HRG: variants seen among roughly 807,000 people sequenced by gnomAD.
The protein encoded by HRG is histidine-rich glycoprotein.
HRG carries 26 observed loss-of-function variants against 29.5 expected under a neutral mutation model. That is an observed-to-expected ratio of 0.88 (90% confidence interval 0.65 to 1.22). The LOEUF is 1.22. Ranked by LOEUF, HRG falls within the 50% of genes most tolerant of loss-of-function variation. HRG has a pLI of 0.00. For missense variants in HRG, 671 were observed against 654.5 expected, an observed-to-expected ratio of 1.03 and a Z score of -0.28; for synonymous variants, 243 against 240.4, an observed-to-expected ratio of 1.01 and a Z score of -0.10.
chr3:186,671,538 A>G (rs1159920109), intron 3 of HRG, 85 bp from the exon 4 acceptor site: 1 of 1,413,860 alleles, frequency 7.1e-7, no homozygotes, highest in Admixed American at 1.7e-5. Flanking sequence ...CCATCCTTAA[A>G]ATGAAAGTTA....
chr3:186,674,964 C>A lies in HRG; in HGVS notation c.640-125C>A. 8 of 756,488 alleles carry A rather than the reference C, an allele frequency of 1.1e-5. No individual in the cohort carries two copies. The South Asian group carries it at 1.1e-4, about 10-fold the overall frequency. 46.9% of individuals were successfully genotyped at this position (756,488 alleles called of 1,614,324 possible). A position where few individuals can be genotyped will look rare whatever the true frequency, so the allele number is the denominator to read the frequency against. ...ATTGCTGAACGACTGGTGGGAATAT[C>A]TGATCATATTACCCTGATTTTTCTA... On this transcript the variant is annotated intron_variant, in intron 5 of 6. Transcript: ENST00000232003.
Position 186,675,182 on chromosome 3 carries a change from G to T in HRG, c.733G>T (p.Asp245Tyr), listed in dbSNP as rs201213205. The change falls in exon 6 of 7, where the codon GAC (aspartate) becomes TAC (tyrosine). Residue 245 changes from aspartate to tyrosine, a missense_variant. Transcript: ENST00000232003. ...KNLVINCEVF[D>Y]PQEHENINGV... ...CCTTGTCATAAACTGTGAAGTCTTC[G>T]ACCCTCAGGTGGGTTGTCTAAGCAG... is the stretch of plus-strand genomic sequence containing the variant. The T allele has an allele frequency of 1.2e-6, 2 of 1,611,080 alleles. No homozygotes were observed. The highest frequency in any genetic ancestry group is 1.1e-5 in the South Asian group (1 of 90,982).
At position 186,672,734 on chromosome 3, in the gene HRG, T is replaced by C. The variant is rs1420926627; in HGVS notation, c.559-53T>C. The C allele has an allele frequency of 4.1e-6, 5 of 1,212,648 alleles. No homozygotes were observed. In the East Asian group the frequency reaches 1.2e-4, roughly 28 times the overall value. The allele number at this position is 1,212,648 out of a possible 1,614,324, so 75.1% of individuals were successfully genotyped here. A position where few individuals can be genotyped will look rare whatever the true frequency, so the allele number is the denominator to read the frequency against. On this transcript the variant is annotated intron_variant, in intron 4 of 6. Coordinates refer to ENST00000232003, the MANE Select transcript of HRG (RefSeq NM_000412.5). ...TGAATGGTAGTTATCTACTGCTTTT[T>C]TTTCCTTTTTCTTTGTCTGTTCTTG...
chr3:186,675,818 A>AT (rs1718965870), intron 6 of HRG, among the ~76,000 whole-genome samples: 3 of 152,034 alleles, frequency 2.0e-5, no homozygotes. Context: ...GTTAAAAAAA[A>AT]GAAAAAGGAA....
At chr3:186,674,635 T>C (rs1718910180) in intron 5 of HRG, 1 of 249,410 alleles carries the variant, frequency 4.0e-6, no homozygotes. Flanking sequence ...CTTGACAATG[T>C]CCATGAAAAC....
intron 6 of HRG, 118 bp downstream of exon 6, chr3:186,675,308 T>TGTGTGA (rs1491475236): frequency 1.2e-4 from 54 of 451,962 alleles, no homozygotes; most frequent in African/African-American, 1.1e-3. Context: ...TGTGTGTGTG[T>TGTGTGA]GAGAGAGAGA....
chr3:186,678,200 C>A lies in HRG; in HGVS notation c.*317C>A, dbSNP rs1033390684. The stretch of plus-strand genomic sequence containing the variant: ...AGTCTCTGTTACTGCTTGGGCTATA[C>A]CTGGGCATACTAATAAAGTATGGTA... On this transcript the variant is annotated 3_prime_UTR_variant, in exon 7 of 7. Transcript: ENST00000232003. 59 of 351,330 alleles carry A rather than the reference C, an allele frequency of 1.7e-4. No homozygotes were observed. Among genetic ancestry groups the A allele is most frequent in the South Asian group, 1.3e-3 (45 of 34,988 alleles). 21.8% of individuals were successfully genotyped at this position (351,330 alleles called of 1,614,324 possible). A position where few individuals can be genotyped will look rare whatever the true frequency, so the allele number is the denominator to read the frequency against.
intron 6 of HRG, among the ~76,000 whole-genome samples, chr3:186,675,560 C>G (rs532557716): frequency 9.4e-4 from 143 of 152,230 alleles, no homozygotes; most frequent in South Asian, 9.3e-3. Flanking sequence ...TGAAAATGCT[C>G]TTTGTAGTCG....
At chr3:186,676,106 T>C (rs1438076006) in intron 6 of HRG, among the ~76,000 whole-genome samples, 2 of 151,980 alleles carry the variant, frequency 1.3e-5, no homozygotes. Flanking sequence ...TGACCTTAGG[T>C]GATCCACCTG....
chr3:186,670,298 G>A (rs1718746716), intron 3 of HRG, among the ~76,000 whole-genome samples: 1 of 152,112 alleles, frequency 6.6e-6, no homozygotes, highest in Non-Finnish European at 1.5e-5. Flanking sequence ...AGGTAGGTTA[G>A]CCTCATTATA....
Position 186,672,829 on chromosome 3 carries a change from C to A in HRG, c.601C>A (p.Arg201=). 6.2e-7 allele frequency: 1 copy of A among 1,612,140 alleles called. No individual in the cohort carries two copies. Among genetic ancestry groups the A allele is most frequent in the Non-Finnish European group, 8.5e-7 (1 of 1,178,330 alleles). ...GTGYFVDFSV[R]NCPRHHFPRH... is the part of the protein sequence containing the mutation. ...TGGTTACTTCGTGGACTTCTCTGTGCGGAACTGCCCCAGACACCATTTCCC... is the reference window on the plus strand; with the variant it reads ...TGGTTACTTCGTGGACTTCTCTGTGAGGAACTGCCCCAGACACCATTTCCC... Residue 201 remains arginine, a synonymous_variant, in exon 5 of 7, where the codon CGG becomes AGG. Coordinates refer to ENST00000232003, the MANE Select transcript of HRG (RefSeq NM_000412.5).
intron 2 of HRG, 163 bp from the exon 3 acceptor site, chr3:186,669,775 C>A: frequency 1.5e-6 from 1 of 672,354 alleles, no homozygotes; most frequent in Admixed American, 2.1e-5. Context: ...CACACAGAAA[C>A]TGACTAAGAA....
chr3:186,675,096 G>C lies in HRG; in HGVS notation c.647G>C (p.Gly216Ala). The change falls in exon 6 of 7, where the codon GGA becomes GCA. Residue 216 changes from glycine to alanine, a missense_variant. By Grantham distance (60) the Gly-to-Ala change is moderately conservative. Coordinates refer to ENST00000232003, the MANE Select transcript of HRG (RefSeq NM_000412.5). ...HHFPRHPNVF[G>A]FCRADLFYDV... ...CTCCTCATTCCTTTGTAGGTCTTTG[G>C]ATTCTGCAGAGCAGATTTGTTCTAT... 2 of 1,612,016 alleles carry C rather than the reference G, an allele frequency of 1.2e-6. No homozygotes were observed. Among genetic ancestry groups the C allele is most frequent in the Non-Finnish European group, 1.7e-6 (2 of 1,178,086 alleles).
intron 3 of HRG, 152 bp from the exon 4 acceptor site, chr3:186,671,471 G>A: frequency 6.2e-6 from 5 of 800,852 alleles, no homozygotes; most frequent in South Asian, 5.6e-5. Context: ...TAGTTCGGTT[G>A]CCAAATGGCT....
chr3:186,667,523 G>A (rs1352418505), intron 1 of HRG, among the ~76,000 whole-genome samples: 1 of 151,958 alleles, frequency 6.6e-6, no homozygotes, highest in Admixed American at 6.6e-5. Flanking sequence ...CATGTTCTGA[G>A]CCCCAACAAT....
In HRG at chr3:186,677,361, T is replaced by C. The variant is rs781083965; in HGVS notation, c.1056T>C (p.His352=). Residue 352 remains histidine (H), a synonymous_variant, in exon 7 of 7, where the codon CAT becomes CAC. Coordinates refer to ENST00000232003, the MANE Select transcript of HRG (RefSeq NM_000412.5). ...ATAATTCCAGTGACCTCCATCCCCA[T>C]AAGCATCATTCCCATGAACAGCATC... ...HNNNSSDLHP[H]KHHSHEQHPH... is the part of the protein sequence containing the mutation. 6 of 1,613,808 alleles carry C rather than the reference T, an allele frequency of 3.7e-6. No homozygotes were observed. Among genetic ancestry groups the C allele is most frequent in the Non-Finnish European group, 5.1e-6 (6 of 1,179,918 alleles).
In HRG at chr3:186,666,127, GA is replaced by G. The variant is rs563237107; in HGVS notation, c.99del (p.Ala34LeufsTer2). 244 of 1,614,218 alleles carry G rather than the reference GA, an allele frequency of 1.5e-4. 1 individual carries two copies. In the African/African-American group the frequency reaches 3.1e-3, roughly 20 times the overall value. On this transcript the variant is annotated frameshift_variant, in exon 1 of 7. Coordinates refer to ENST00000232003, the MANE Select transcript of HRG (RefSeq NM_000412.5). LOFTEE classifies it high-confidence loss of function. ...DCSAVEPEAE[K>X]ALDLINKRRR... is the part of the protein sequence containing the mutation. Reference sequence around the variant, plus strand: ...GCAGTGCTGTTGAGCCGGAGGCTGAGAAAGCTCTAGACCTGATCAATAAAAG... The same window carrying G: ...GCAGTGCTGTTGAGCCGGAGGCTGAGAAGCTCTAGACCTGATCAATAAAAG...
At chr3:186,669,346 G>C (rs541320156) in intron 2 of HRG, among the ~76,000 whole-genome samples, 1 of 152,282 alleles carries the variant, frequency 6.6e-6, no homozygotes, top group South Asian at 2.1e-4. Flanking sequence ...TGTAAAATAA[G>C]AAGTGGGTTT....
intron 3 of HRG, among the ~76,000 whole-genome samples, chr3:186,670,290 G>A (rs889309417): frequency 2.0e-5 from 3 of 152,142 alleles, no homozygotes; most frequent in Non-Finnish European, 4.4e-5. Context: ...TTTAGGAGAG[G>A]TAGGTTAGCC....
Sources: gnomAD v4.1 joint callset for allele counts (sites outside exome capture counted in the v4.1 genomes callset) on GRCh38, gnomAD v4.1.1 for gene constraint, MANE v1.5 for transcripts, NCBI Gene and HGNC (gene_info 2026-07-23, HGNC 2026-07-21) for gene names.